GRK3: variants seen among roughly 807,000 people sequenced by gnomAD.
The protein encoded by GRK3 is adrenergic, beta, receptor kinase 2.
GRK3 carries 54 observed loss-of-function variants against 95.7 expected under a neutral mutation model. The observed-to-expected ratio is 0.56, with a 90% CI of 0.45 to 0.71. The LOEUF (loss-of-function observed/expected upper bound fraction) is 0.71. Ranked by LOEUF, GRK3 falls within the 30% of genes least tolerant of loss-of-function variation. The pLI is 0.00. For missense variants in GRK3, 649 were observed against 851.2 expected, an observed-to-expected ratio of 0.76 and a Z score of 2.96; for synonymous variants, 281 against 290.8, an observed-to-expected ratio of 0.97 and a Z score of 0.34.
chr22:25,605,547 A>AT (rs1325555042), intron 2 of GRK3, among the ~76,000 whole-genome samples: 2 of 152,118 alleles, frequency 1.3e-5, no homozygotes, highest in Non-Finnish European at 2.9e-5. Flanking sequence ...CTAGTTAAAA[A>AT]TTTTTTTAAT....
intron 3 of GRK3, among the ~76,000 whole-genome samples, chr22:25,647,020 C>CAAAAAAAAAAAAAAAAAAAA (rs1025786169): frequency 7.4e-5 from 4 of 53,996 alleles, no homozygotes; most frequent in Non-Finnish European, 1.2e-4. Flanking sequence ...GACTTTGTCT[C>CAAAAAAAAAAAAAAAAAAAA]AAAAAAAAAA....
chr22:25,640,263 G>A (rs1002780966), intron 2 of GRK3, among the ~76,000 whole-genome samples: 1 of 152,182 alleles, frequency 6.6e-6, no homozygotes, highest in Admixed American at 6.5e-5. Flanking sequence ...TCACAGCTCA[G>A]AAAGGCCTTA....
chr22:25,627,812 A>C (rs1394296344), intron 2 of GRK3, among the ~76,000 whole-genome samples: 1 of 152,214 alleles, frequency 6.6e-6, no homozygotes, highest in Non-Finnish European at 1.5e-5. Context: ...GGCCACTGTC[A>C]TGTTTAAGAG....
At chr22:25,637,051 G>T (rs1428617584) in intron 2 of GRK3, among the ~76,000 whole-genome samples, 1 of 152,160 alleles carries the variant, frequency 6.6e-6, no homozygotes, top group African/African-American at 2.4e-5. Context: ...GGGCCTGCAG[G>T]AATAGAACAA....
intron 1 of GRK3, among the ~76,000 whole-genome samples, chr22:25,596,920 T>C (rs1187068006): frequency 2.0e-5 from 3 of 152,198 alleles, no homozygotes; most frequent in Non-Finnish European, 4.4e-5. Context: ...AGTACCAGCA[T>C]GAGAACAAGG....
Position 25,565,026 on chromosome 22 carries a change from C to T in GRK3, c.-15C>T. The T allele has an allele frequency of 7.1e-7, 1 of 1,416,770 alleles. No individual in the cohort carries two copies. The highest frequency in any genetic ancestry group is 1.3e-5 in the South Asian group (1 of 77,936). 87.8% of individuals were successfully genotyped at this position (1,416,770 alleles called of 1,614,324 possible). A position where few individuals can be genotyped will look rare whatever the true frequency, so the allele number is the denominator to read the frequency against. On this transcript the variant is annotated 5_prime_UTR_variant, in exon 1 of 21. Transcript: ENST00000324198. ...TCCGGAGTAACCGCCGCCGCCGCCG[C>T]CAAAGCTCGCCAACATGGCGGACCT... is the stretch of plus-strand genomic sequence containing the variant.
intron 5 of GRK3, among the ~76,000 whole-genome samples, chr22:25,667,089 A>C (rs1439898731): frequency 1.3e-5 from 2 of 152,056 alleles, no homozygotes; most frequent in Non-Finnish European, 2.9e-5. Flanking sequence ...CTTCTCAGAG[A>C]CCTTGGGAGT....
intron 1 of GRK3, among the ~76,000 whole-genome samples, chr22:25,574,301 A>G (rs1019859717): frequency 1.3e-5 from 2 of 152,192 alleles, no homozygotes; most frequent in African/African-American, 4.8e-5. Context: ...CCTGGGCAAC[A>G]TGGTGAAACC....
intron 5 of GRK3, among the ~76,000 whole-genome samples, chr22:25,665,556 T>C (rs959854120): frequency 6.6e-6 from 1 of 151,974 alleles, no homozygotes; most frequent in South Asian, 2.1e-4. Context: ...CTTTATTGAT[T>C]TGTTTTGTTC....
intron 1 of GRK3, among the ~76,000 whole-genome samples, chr22:25,600,640 A>T (rs1188124801): frequency 1.3e-5 from 2 of 152,214 alleles, no homozygotes; most frequent in Non-Finnish European, 2.9e-5. Flanking sequence ...GAGGATGTGC[A>T]TAAGTGCTCT....
chr22:25,702,838 A>G (rs1310264251), intron 13 of GRK3: 2 of 456,054 alleles, frequency 4.4e-6, no homozygotes, highest in African/African-American at 2.0e-5. Context: ...TCCCCGCTTT[A>G]CAGATGAAGA....
intron 19 of GRK3, 130 bp from the exon 20 acceptor site, chr22:25,721,154 A>T: frequency 1.9e-6 from 1 of 513,250 alleles, no homozygotes; most frequent in Non-Finnish European, 3.5e-6. Context: ...CCTTACTTCT[A>T]GAATACCATC....
chr22:25,625,043 A>G (rs896463043), intron 2 of GRK3, among the ~76,000 whole-genome samples: 1 of 151,750 alleles, frequency 6.6e-6, no homozygotes, highest in Non-Finnish European at 1.5e-5. Flanking sequence ...CGGCCTCCCA[A>G]GTAGCTGGGA....
Position 25,718,351 on chromosome 22 carries a change from A to G in GRK3, c.1761A>G (p.Arg587=). Residue 587 remains arginine (R), a synonymous_variant, in exon 19 of 21, where the codon AGA becomes AGG. Coordinates refer to ENST00000324198, the MANE Select transcript of GRK3 (RefSeq NM_005160.4). ...QRRYFYLFPN[R]LEWRGEGESR... ...GCTATTTTTACCTCTTTCCAAATAG[A>G]CTTGAATGGAGAGGAGAGGGAGAGT... The G allele has an allele frequency of 1.9e-6, 3 of 1,614,126 alleles. No homozygotes were observed. The highest frequency in any genetic ancestry group is 2.5e-6 in the Non-Finnish European group (3 of 1,180,010).
intron 13 of GRK3, among the ~76,000 whole-genome samples, chr22:25,702,555 T>C (rs144058517): frequency 0.012 from 1,799 of 152,268 alleles, 18 homozygotes; most frequent in South Asian, 0.021. Context: ...TAAACCATGG[T>C]AATTTAGTTT....
chr22:25,722,368 C>T lies in GRK3; in HGVS notation c.1985C>T (p.Pro662Leu), dbSNP rs1369550787. 1.6e-5 allele frequency: 26 copies of T among 1,614,040 alleles called. No individual in the cohort carries two copies. The highest frequency in any genetic ancestry group is 2.1e-5 in the Non-Finnish European group (25 of 1,180,044). The change falls in exon 21 of 21, where the codon CCG becomes CTG. Residue 662 changes from proline (P) to leucine (L), a missense_variant. Transcript: ENST00000324198. ...GCCCAGCGGCTATTGCGTCGTGCCC[C>T]GAAGTTCCTCAACAAACCTCGGTCA... Reference protein sequence around the residue: ...KEAQRLLRRAPKFLNKPRSGT... With the variant: ...KEAQRLLRRALKFLNKPRSGT...
intron 2 of GRK3, among the ~76,000 whole-genome samples, chr22:25,619,513 T>C (rs113090405): frequency 0.02 from 2,987 of 152,262 alleles, 43 homozygotes; most frequent in Non-Finnish European, 0.028. Flanking sequence ...ATAAAGGGTC[T>C]TGCTCTGTTG....
intron 1 of GRK3, among the ~76,000 whole-genome samples, chr22:25,574,779 T>C (rs1931831743): frequency 6.6e-6 from 1 of 152,202 alleles, no homozygotes; most frequent in South Asian, 2.1e-4. Context: ...TTTTTTATAT[T>C]ATGACACAGT....
At chr22:25,720,987 C>T (rs1002811472) in intron 19 of GRK3, among the ~76,000 whole-genome samples, 5 of 152,186 alleles carry the variant, frequency 3.3e-5, no homozygotes, top group Admixed American at 1.3e-4. Flanking sequence ...GTGTGCCATA[C>T]AGCAAGTAGG....
Sources: allele counts gnomAD v4.1 joint callset (sites outside exome capture counted in the v4.1 genomes callset), GRCh38; gene constraint gnomAD v4.1.1; transcripts MANE v1.5; gene names NCBI Gene and HGNC (gene_info 2026-07-23, HGNC 2026-07-21).